The following KLHL3 variants were observed in gnomAD, a reference collection of about 807,000 sequenced individuals.
KLHL3 encodes kelch like family member 3, also known as kelch-like protein 3.
KLHL3 carries 19 observed loss-of-function variants against 70.5 expected under a neutral mutation model. The ratio of observed to expected loss-of-function variants is 0.27; its 90% confidence interval spans 0.19 to 0.40. KLHL3 has a LOEUF of 0.40. KLHL3 is among the 10% of genes least tolerant of loss of function. The pLI, the probability that KLHL3 is intolerant of heterozygous loss-of-function variation, is 1.00. For synonymous variants in KLHL3, 258 were observed against 290.3 expected (o/e 0.89, Z 1.13); for missense variants, 512 against 771.1 (o/e 0.66, Z 3.98).
In KLHL3 at chr5:137,698,380, C is replaced by T; in HGVS notation, c.270G>A (p.Lys90=). 6.2e-7 allele frequency: 1 copy of T among 1,614,180 alleles called. No individual in the cohort carries two copies. The highest frequency in any genetic ancestry group is 8.5e-7 in the Non-Finnish European group (1 of 1,180,026). Residue 90 remains lysine (K), a synonymous_variant, in exon 4 of 15, where the codon AAG becomes AAA. Coordinates refer to ENST00000309755, the MANE Select transcript of KLHL3 (RefSeq NM_017415.3). ...GCCCATCCACGTCCTTGATTTCTAT[C>T]TTTTTGGCTTTACTCTCAGACATGT... is the stretch of plus-strand genomic sequence containing the variant. ...TGDMSESKAK[K]IEIKDVDGQT...
At chr5:137,640,907 T>C (rs372156603) in intron 8 of KLHL3, among the ~76,000 whole-genome samples, 2 of 152,240 alleles carry the variant, frequency 1.3e-5, no homozygotes, top group African/African-American at 2.4e-5. Flanking sequence ...TATTATTTCA[T>C]GAAATATTGG....
At chr5:137,698,135 T>G in intron 4 of KLHL3, 152 bp downstream of exon 4, 2 of 937,062 alleles carry the variant, frequency 2.1e-6, no homozygotes, top group Non-Finnish European at 3.1e-6. Context: ...CTCCTGGCCA[T>G]GTGGCCCAGG....
At chr5:137,647,432 GGCCTCAGGAC>G in intron 8 of KLHL3, 1 of 323,992 alleles carries the variant, frequency 3.1e-6, no homozygotes. Flanking sequence ...CCCTAGCCCT[GGCCTCAGGAC>G]TACATAGGTC....
chr5:137,623,987 G>T (rs1750388383), intron 14 of KLHL3, among the ~76,000 whole-genome samples: 1 of 152,126 alleles, frequency 6.6e-6, no homozygotes, highest in Non-Finnish European at 1.5e-5. Context: ...AGTTCACAAG[G>T]TTCATACAAC....
intron 5 of KLHL3, among the ~76,000 whole-genome samples, chr5:137,687,540 G>GT (rs1752217518): frequency 6.3e-5 from 1 of 15,970 alleles, no homozygotes; most frequent in Non-Finnish European, 1.1e-4. Context: ...CGGGAGGGTG[G>GT]GGGGGGGGTC....
At chr5:137,650,907 G>GAA (rs1332510785) in intron 8 of KLHL3, among the ~76,000 whole-genome samples, 3 of 145,478 alleles carry the variant, frequency 2.1e-5, no homozygotes, top group African/African-American at 7.4e-5. Flanking sequence ...AAGAAAGAAA[G>GAA]AAAAGAAACA....
chr5:137,649,992 T>C (rs1347064447), intron 8 of KLHL3, among the ~76,000 whole-genome samples: 2 of 152,176 alleles, frequency 1.3e-5, no homozygotes, highest in Non-Finnish European at 2.9e-5. Context: ...CCTCCAGAGT[T>C]GTAATAAAGA....
chr5:137,715,277 C>T (rs1752872089), intron 2 of KLHL3, among the ~76,000 whole-genome samples: 1 of 152,176 alleles, frequency 6.6e-6, no homozygotes, highest in Non-Finnish European at 1.5e-5. Flanking sequence ...TGTGCTTGAA[C>T]TAAAATAGCT....
chr5:137,659,368 A>T (rs1460882661), intron 7 of KLHL3, among the ~76,000 whole-genome samples: 2 of 152,224 alleles, frequency 1.3e-5, no homozygotes, highest in East Asian at 3.9e-4. Flanking sequence ...GTCACTAGGA[A>T]TGAAAGCATG....
intron 5 of KLHL3, among the ~76,000 whole-genome samples, chr5:137,685,282 G>A (rs1752134278): frequency 6.6e-6 from 1 of 152,082 alleles, no homozygotes; most frequent in Admixed American, 6.5e-5. Flanking sequence ...AAAAAAACTG[G>A]AAACATTAAT....
At chr5:137,706,225 A>G (rs1248368305) in intron 3 of KLHL3, 3 of 985,398 alleles carry the variant, frequency 3.0e-6, no homozygotes, top group Non-Finnish European at 3.6e-6. Flanking sequence ...GAAGAAAGCC[A>G]TGTGTATTTT....
chr5:137,686,378 C>T (rs1469810729), intron 5 of KLHL3, among the ~76,000 whole-genome samples: 1 of 152,162 alleles, frequency 6.6e-6, no homozygotes, highest in Non-Finnish European at 1.5e-5. Flanking sequence ...CCTCCCCATT[C>T]CCCCTGTTCC....
In KLHL3 at chr5:137,709,854, T is replaced by A. The variant is rs1475518257; in HGVS notation, c.137A>T (p.Lys46Ile). The change falls in exon 3 of 15, where the codon AAA becomes ATA. Residue 46 changes from lysine to isoleucine, a missense_variant and splice_region_variant. Lys to Ile is a moderately radical substitution (Grantham distance 102). Coordinates refer to ENST00000309755, the MANE Select transcript of KLHL3 (RefSeq NM_017415.3). ...AATCATCACGTCACACAACAGCTGT[T>A]TACTGTAAGACACCAGTGAGAGGAC... The part of the protein sequence containing the change: ...AFKVMNELRS[K>I]QLLCDVMIVA... The A allele has an allele frequency of 6.2e-7, 1 of 1,613,036 alleles. No individual in the cohort carries two copies. The highest frequency in any genetic ancestry group is 8.5e-7 in the Non-Finnish European group (1 of 1,179,212).
chr5:137,734,656 C>G (rs1046495009), intron 1 of KLHL3, among the ~76,000 whole-genome samples: 7 of 152,210 alleles, frequency 4.6e-5, no homozygotes, highest in Admixed American at 1.3e-4. Flanking sequence ...AACTGGCAAT[C>G]TGGAGCAGCA....
At chr5:137,630,150 G>A (rs771916078) in intron 12 of KLHL3, among the ~76,000 whole-genome samples, 44 of 152,174 alleles carry the variant, frequency 2.9e-4, no homozygotes, top group African/African-American at 8.2e-4. Context: ...CAAATCTTAC[G>A]AAAGTGAAGC....
At chr5:137,663,056 CTTTTTTTT>C (rs139890036) in intron 6 of KLHL3, among the ~76,000 whole-genome samples, 4 of 77,928 alleles carry the variant, frequency 5.1e-5, no homozygotes, top group Non-Finnish European at 6.9e-5. Context: ...AGCACTCGTT[CTTTTTTTT>C]TTTTTTTTTT....
intron 4 of KLHL3, among the ~76,000 whole-genome samples, chr5:137,693,821 T>C (rs1421321587): frequency 2.0e-5 from 3 of 152,068 alleles, no homozygotes; most frequent in Non-Finnish European, 4.4e-5. Flanking sequence ...GGGCTGCAGA[T>C]GCATTTGTTT....
rs1432859637 is a variant in KLHL3 at position 137,669,487 on chromosome 5, A to ATCAGC, written c.637-7457_637-7456insGCTGA. 5.1e-3 allele frequency among the ~76,000 whole-genome samples: 771 copies of ATCAGC among 151,606 alleles called. 4 individuals are homozygous for ATCAGC. The highest frequency in any genetic ancestry group is 9.1e-3 in the Non-Finnish European group (617 of 67,466). On this transcript the variant is annotated intron_variant, in intron 6 of 14. Transcript: ENST00000309755. Reference sequence around the variant, plus strand: ...ACTTCAGATAACCAAAAATGATGAAAAAATTAAAACGGTAACATCACTTGG... The same window carrying ATCAGC: ...ACTTCAGATAACCAAAAATGATGAAATCAGCAAATTAAAACGGTAACATCACTTGG...
At chr5:137,665,698 C>T (rs1751596836) in intron 6 of KLHL3, among the ~76,000 whole-genome samples, 1 of 152,116 alleles carries the variant, frequency 6.6e-6, no homozygotes, top group African/African-American at 2.4e-5. Context: ...GCTTTATCTG[C>T]CAGGAGGAAA....
Sources: gnomAD v4.1 joint callset for allele counts (sites outside exome capture counted in the v4.1 genomes callset) on GRCh38, gnomAD v4.1.1 for gene constraint, MANE v1.5 for transcripts, NCBI Gene and HGNC (gene_info 2026-07-23, HGNC 2026-07-21) for gene names.